Variants in TDRP observed in about 807,000 individuals in gnomAD.
TDRP encodes testis development related protein.
TDRP carries 12 observed loss-of-function variants against 10.5 expected under a neutral mutation model. That is an observed-to-expected ratio of 1.15 (90% CI 0.73 to 1.86). The LOEUF (loss-of-function observed/expected upper bound fraction) is 1.86. Ranked by LOEUF, TDRP falls within the 40% of genes most tolerant of loss-of-function variation. The pLI is 0.00. For synonymous variants in TDRP, 139 were observed against 95.4 expected (o/e 1.46, Z -2.67); for missense variants, 353 against 229.2 (o/e 1.54, Z -3.49).
At chr8:512,989 G>T (rs1367048434) in intron 1 of TDRP, among the ~76,000 whole-genome samples, 2 of 150,850 alleles carry the variant, frequency 1.3e-5, no homozygotes, top group African/African-American at 4.9e-5. Context: ...AAAAAAACAA[G>T]GTGGAGAAAT....
In TDRP at chr8:510,176, G is replaced by A. The variant is rs139289826; in HGVS notation, c.109-15579C>T. Among the ~76,000 whole-genome samples the A allele has an allele frequency of 3.8e-3, 572 of 152,256 alleles. 4 individuals are homozygous for A. Among genetic ancestry groups the A allele is most frequent in the African/African-American group, 0.012 (503 of 41,546 alleles). On this transcript the variant is annotated intron_variant, in intron 1 of 2. Transcript: ENST00000324079. Reference sequence around the variant, plus strand: ...TTGTGACTGGGGTTTAAATAGGTACGCATAATTGGTTAAATAATTGGCCAC... The same window carrying A: ...TTGTGACTGGGGTTTAAATAGGTACACATAATTGGTTAAATAATTGGCCAC...
Position 491,715 on chromosome 8 carries a change from C to T in TDRP, c.*684G>A. Reference sequence around the variant, plus strand: ...CAAATGTTTTAAGAAAATAAAGGGACCGATTTAGAAGTTCAAAAGAGGTAA... The same window carrying T: ...CAAATGTTTTAAGAAAATAAAGGGATCGATTTAGAAGTTCAAAAGAGGTAA... On this transcript the variant is annotated 3_prime_UTR_variant, in exon 3 of 3. Transcript: ENST00000324079. 7 of 1,483,088 alleles carry T rather than the reference C, an allele frequency of 4.7e-6. No individual in the cohort carries two copies. The highest frequency in any genetic ancestry group is 2.7e-5 in the South Asian group (2 of 73,898). 91.9% of individuals were successfully genotyped at this position (1,483,088 alleles called of 1,614,324 possible).
At chr8:521,032 C>A (rs916427641) in intron 1 of TDRP, among the ~76,000 whole-genome samples, 2 of 151,998 alleles carry the variant, frequency 1.3e-5, no homozygotes, top group Non-Finnish European at 2.9e-5. Context: ...CCTTTTCTCC[C>A]GTTTTCTTCT....
intron 1 of TDRP, among the ~76,000 whole-genome samples, chr8:526,437 T>C (rs1467794350): frequency 1.3e-5 from 2 of 152,234 alleles, no homozygotes; most frequent in Non-Finnish European, 2.9e-5. Context: ...TGTTGAATTT[T>C]ATCAAGTGCT....
chr8:541,450 G>C (rs1052215830), intron 1 of TDRP, among the ~76,000 whole-genome samples: 9 of 152,128 alleles, frequency 5.9e-5, no homozygotes, highest in Admixed American at 4.6e-4. Flanking sequence ...CTCTGAAAAA[G>C]ACACTGTCAA....
intron 1 of TDRP, among the ~76,000 whole-genome samples, chr8:496,978 C>T (rs192306381): frequency 6.6e-6 from 1 of 152,206 alleles, no homozygotes; most frequent in Non-Finnish European, 1.5e-5. Context: ...TAGGCCTCCC[C>T]AGCCATACAG....
intron 1 of TDRP, among the ~76,000 whole-genome samples, chr8:532,751 G>C (rs960358155): frequency 6.6e-6 from 1 of 152,140 alleles, no homozygotes; most frequent in South Asian, 2.1e-4. Context: ...ACAGTCAGAA[G>C]AGATTTCAAA....
intron 1 of TDRP, among the ~76,000 whole-genome samples, chr8:506,445 C>T (rs1439715654): frequency 1.3e-5 from 2 of 152,042 alleles, no homozygotes. Flanking sequence ...CATGCCGTCC[C>T]CAGCTGCCTG....
intron 1 of TDRP, among the ~76,000 whole-genome samples, chr8:511,469 A>C (rs763814399): frequency 3.9e-5 from 6 of 152,228 alleles, no homozygotes; most frequent in Non-Finnish European, 8.8e-5. Flanking sequence ...AAAATACAAG[A>C]AACAAAAATG....
intron 1 of TDRP, among the ~76,000 whole-genome samples, chr8:497,070 G>C (rs551008518): frequency 6.6e-5 from 10 of 152,336 alleles, no homozygotes; most frequent in African/African-American, 2.4e-4. Context: ...GACTAACACA[G>C]AGAATTGGTA....
Position 491,522 on chromosome 8 carries a change from C to A in TDRP, c.*877G>T. On this transcript the variant is annotated 3_prime_UTR_variant, in exon 3 of 3. Transcript: ENST00000324079. ...CAGATCTAACACCAATCACAATAGGCATCTCGCTTTGCAAGAACAAACATA... is the reference window on the plus strand; with the variant it reads ...CAGATCTAACACCAATCACAATAGGAATCTCGCTTTGCAAGAACAAACATA... The A allele has an allele frequency of 8.1e-7, 1 of 1,238,022 alleles. No individual in the cohort carries two copies. The allele number at this position is 1,238,022 out of a possible 1,614,324, so 76.7% of individuals were successfully genotyped here.
chr8:526,998 T>C (rs934497682), intron 1 of TDRP, among the ~76,000 whole-genome samples: 2 of 152,156 alleles, frequency 1.3e-5, no homozygotes, highest in African/African-American at 2.4e-5. Flanking sequence ...CTCATGTCTG[T>C]AATCCCAGCA....
intron 1 of TDRP, among the ~76,000 whole-genome samples, chr8:538,487 C>T (rs1349142786): frequency 1.3e-5 from 2 of 152,098 alleles, no homozygotes; most frequent in East Asian, 1.9e-4. Context: ...GGCTAAGCAC[C>T]GCCTCAATAA....
At chr8:529,273 C>A (rs7001601) in intron 1 of TDRP, among the ~76,000 whole-genome samples, 1 of 152,042 alleles carries the variant, frequency 6.6e-6, no homozygotes, top group Middle Eastern at 3.4e-3. Context: ...TAAATATACA[C>A]ACCTACTATG....
At chr8:500,202 T>C (rs1222395115) in intron 1 of TDRP, among the ~76,000 whole-genome samples, 2 of 152,204 alleles carry the variant, frequency 1.3e-5, no homozygotes, top group African/African-American at 2.4e-5. Flanking sequence ...TATACCTTAG[T>C]TGTAAAAAAG....
At chr8:543,665 A>C (rs1802558867) in intron 1 of TDRP, among the ~76,000 whole-genome samples, 1 of 151,902 alleles carries the variant, frequency 6.6e-6, no homozygotes, top group Admixed American at 6.6e-5. Flanking sequence ...ATTTTCCATG[A>C]GTTAGGAATG....
chr8:523,564 C>T (rs977087657), intron 1 of TDRP, among the ~76,000 whole-genome samples: 3 of 152,210 alleles, frequency 2.0e-5, no homozygotes, highest in African/African-American at 7.2e-5. Context: ...CAAAGGGGAA[C>T]CCACTGCCCT....
intron 1 of TDRP, among the ~76,000 whole-genome samples, chr8:528,714 T>C (rs188537684): frequency 3.3e-5 from 5 of 152,298 alleles, no homozygotes; most frequent in East Asian, 3.9e-4. Context: ...ATGTATTATA[T>C]GCCTGTATCA....
chr8:498,288 GGA>G (rs1801188964), intron 1 of TDRP, among the ~76,000 whole-genome samples: 4 of 152,200 alleles, frequency 2.6e-5, no homozygotes, highest in Admixed American at 2.6e-4. Context: ...CAGGGTCTGT[GGA>G]GATGCCCAAT....
Sources: gnomAD v4.1 joint callset for allele counts (sites outside exome capture counted in the v4.1 genomes callset) on GRCh38, gnomAD v4.1.1 for gene constraint, MANE v1.5 for transcripts, NCBI Gene and HGNC (gene_info 2026-07-23, HGNC 2026-07-21) for gene names.